Variants in MS4A3 observed in about 807,000 individuals in gnomAD.
The protein encoded by MS4A3 is membrane spanning 4-domains A3.
MS4A3 carries 18 observed loss-of-function variants against 24.7 expected under a neutral mutation model. The ratio of observed to expected loss-of-function variants is 0.73; its 90% CI spans 0.50 to 1.08. The LOEUF (loss-of-function observed/expected upper bound fraction) is 1.08, where lower values mean the gene tolerates loss of function less well. Among genes scored for constraint, MS4A3 ranks in the 50% least tolerant of loss-of-function variants. The pLI, the probability that MS4A3 is intolerant of heterozygous loss-of-function variation, is 0.00. For synonymous variants in MS4A3, 84 were observed against 95.3 expected (o/e 0.88, Z 0.69); for missense variants, 282 against 251.7 (o/e 1.12, Z -0.82).
rs1391483130 is a variant in MS4A3 at position 60,070,459 on chromosome 11, T to A, written c.*226T>A. 2.1e-6 allele frequency: 1 copy of A among 470,076 alleles called. No homozygotes were observed. 29.1% of individuals were successfully genotyped at this position (470,076 alleles called of 1,614,324 possible). A position where few individuals can be genotyped will look rare whatever the true frequency, so the allele number is the denominator to read the frequency against. On this transcript the variant is annotated 3_prime_UTR_variant, in exon 7 of 7. Transcript: ENST00000278865. The stretch of plus-strand genomic sequence containing the variant: ...GTGGGTATGGAAGGACAGATATATT[T>A]CTTTAGGCATTCTTGGATATCTGTA...
Position 60,067,113 on chromosome 11 carries a change from G to T in MS4A3, c.513+1G>T, listed in dbSNP as rs1565064518. On this transcript the variant is annotated splice_donor_variant, in intron 5 of 6. Transcript: ENST00000278865. LOFTEE classifies it high-confidence loss of function. The stretch of plus-strand genomic sequence containing the variant: ...CAATTACATGGGCTCCATATCAAAT[G>T]TATGTTTCTGAAAAATATGTATAAG... The T allele has an allele frequency of 6.3e-7, 1 of 1,586,886 alleles. No individual in the cohort carries two copies. Among genetic ancestry groups the T allele is most frequent in the Admixed American group, 1.8e-5 (1 of 54,740 alleles).
At chr11:60,061,024 C>T in intron 1 of MS4A3, 122 bp from the exon 2 acceptor site, 1 of 784,922 alleles carries the variant, frequency 1.3e-6, no homozygotes, top group Admixed American at 3.5e-5. Context: ...GCCCTGGTGT[C>T]CCATTTGTGG....
At chr11:60,068,335 G>T (rs1256439205) in intron 5 of MS4A3, among the ~76,000 whole-genome samples, 1 of 145,764 alleles carries the variant, frequency 6.9e-6, no homozygotes, top group East Asian at 2.1e-4. Flanking sequence ...CGCCTCCTGG[G>T]TTCACGCCAT....
intron 1 of MS4A3, among the ~76,000 whole-genome samples, chr11:60,058,371 G>T (rs1235542338): frequency 6.6e-6 from 1 of 151,220 alleles, no homozygotes; most frequent in African/African-American, 2.4e-5. Context: ...GCTGGGTGTG[G>T]TGGTGCACGC....
intron 5 of MS4A3, among the ~76,000 whole-genome samples, chr11:60,067,992 CG>C (rs1855398314): frequency 6.6e-6 from 1 of 151,766 alleles, no homozygotes; most frequent in African/African-American, 2.4e-5. Flanking sequence ...GCGGAGGTTG[CG>C]GTGAGCCGAG....
Position 60,067,069 on chromosome 11 carries a change from CAG to C in MS4A3, c.473_474del (p.Glu158ValfsTer44). On this transcript the variant is annotated frameshift_variant, in exon 5 of 7. Coordinates refer to ENST00000278865, the MANE Select transcript of MS4A3 (RefSeq NM_006138.5). LOFTEE classifies it high-confidence loss of function. ...TCATTAAGGAGTTGTCACTCTTCAT[CAG>C]AGTCACCGGACCTATGCAATTACAT... 6.2e-7 allele frequency: 1 copy of C among 1,612,686 alleles called. No homozygotes were observed. The highest frequency in any genetic ancestry group is 8.5e-7 in the Non-Finnish European group (1 of 1,179,598).
Position 60,070,630 on chromosome 11 carries a change from C to T in MS4A3, c.*397C>T, listed in dbSNP as rs531882392. ...TTTTTTCTAAAATCCAACTTCTGAC[C>T]GCCCAGTAGGAAGAAAAATGAGACA... On this transcript the variant is annotated 3_prime_UTR_variant, in exon 7 of 7. Transcript: ENST00000278865. The T allele has an allele frequency of 6.9e-5, 11 of 158,410 alleles. No homozygotes were observed. In the South Asian group the frequency reaches 1.0e-3, roughly 15 times the overall value. The allele number at this position is 158,410 out of a possible 1,614,324, so 9.8% of individuals were successfully genotyped here. A position where few individuals can be genotyped will look rare whatever the true frequency, so the allele number is the denominator to read the frequency against.
intron 1 of MS4A3, among the ~76,000 whole-genome samples, chr11:60,059,389 C>A (rs1855234532): frequency 6.6e-6 from 1 of 151,956 alleles, no homozygotes; most frequent in Admixed American, 6.6e-5. Flanking sequence ...ACTATACTTT[C>A]TTTTTCAATA....
At chr11:60,065,874 A>G (rs1014377521) in intron 4 of MS4A3, among the ~76,000 whole-genome samples, 1 of 152,108 alleles carries the variant, frequency 6.6e-6, no homozygotes, top group African/African-American at 2.4e-5. Flanking sequence ...GCTCTTCTCA[A>G]TCTATACGTA....
rs777118686 is a variant in MS4A3 at position 60,069,552 on chromosome 11, T to G, written c.514-22T>G. On this transcript the variant is annotated intron_variant, in intron 5 of 6. Coordinates refer to ENST00000278865, the MANE Select transcript of MS4A3 (RefSeq NM_006138.5). ...CTCTGGATGTTGCCACTGGGTTTGA[T>G]ATAAGGCATCATATCCCCTAGGGCA... The G allele has an allele frequency of 6.4e-6, 10 of 1,552,054 alleles. 1 individual carries two copies. In the Middle Eastern group the frequency reaches 5.1e-4, roughly 79 times the overall value.
intron 1 of MS4A3, among the ~76,000 whole-genome samples, chr11:60,058,457 A>T (rs1253839033): frequency 7.5e-6 from 1 of 134,076 alleles, no homozygotes; most frequent in Non-Finnish European, 1.6e-5. Flanking sequence ...CAGTGAGCTG[A>T]GATCGGGCCT....
chr11:60,062,633 T>C (rs763550236), intron 3 of MS4A3, 28 bp downstream of exon 3: 3 of 1,611,214 alleles, frequency 1.9e-6, no homozygotes, highest in South Asian at 2.2e-5. Context: ...CCTGGCTATA[T>C]GTTATTTCTT....
chr11:60,069,635 T>A lies in MS4A3; in HGVS notation c.575T>A (p.Ile192Lys), dbSNP rs770173506. The A allele has an allele frequency of 5.0e-6, 8 of 1,613,488 alleles. No individual in the cohort carries two copies. The highest frequency in any genetic ancestry group is 6.8e-6 in the Non-Finnish European group (8 of 1,179,592). ...LLELCVTIST[I>K]AMWCNANCCN... ...GAATTATGCGTAACCATCTCTACCA[T>A]AGCCATGTGGTGCAATGCAAACTGC... The change falls in exon 6 of 7, where the codon ATA (isoleucine) becomes AAA (lysine). Residue 192 changes from isoleucine to lysine, a missense_variant. Physicochemically the swap from Ile to Lys is moderately radical, Grantham distance 102. Coordinates refer to ENST00000278865, the MANE Select transcript of MS4A3 (RefSeq NM_006138.5).
At chr11:60,066,873 G>T in intron 4 of MS4A3, 78 bp from the exon 5 acceptor site, 1 of 1,143,402 alleles carries the variant, frequency 8.7e-7, no homozygotes, top group Non-Finnish European at 1.2e-6. Flanking sequence ...TTCAATCAAT[G>T]TTTGTTTCAA....
chr11:60,059,520 T>C (rs1233296068), intron 1 of MS4A3, among the ~76,000 whole-genome samples: 2 of 152,146 alleles, frequency 1.3e-5, no homozygotes, highest in Non-Finnish European at 2.9e-5. Flanking sequence ...TCAATAGTTA[T>C]TTTTCCCGAT....
Position 60,070,831 on chromosome 11 carries a change from T to C in MS4A3, c.*598T>C, listed in dbSNP as rs1219947921. On this transcript the variant is annotated 3_prime_UTR_variant, in exon 7 of 7. Transcript: ENST00000278865. ...GCTGGAACTCACACATGCCCTGATA[T>C]GTAAATGATGATTTATGTTGGCGAG... is the stretch of plus-strand genomic sequence containing the variant. 1 of 152,350 alleles carries C rather than the reference T, an allele frequency of 6.6e-6. No homozygotes were observed. The highest frequency in any genetic ancestry group is 2.4e-5 in the African/African-American group (1 of 41,474). The allele number at this position is 152,350 out of a possible 1,614,324, so 9.4% of individuals were successfully genotyped here.
At chr11:60,061,499 C>T (rs773872296) in intron 2 of MS4A3, 183 bp downstream of exon 2, 15 of 717,860 alleles carry the variant, frequency 2.1e-5, no homozygotes, top group East Asian at 1.4e-4. Flanking sequence ...GTCTATTCAA[C>T]GTGAAGAGGA....
chr11:60,070,436 G>T lies in MS4A3; in HGVS notation c.*203G>T. 1 of 502,120 alleles carries T rather than the reference G, an allele frequency of 2.0e-6. No individual in the cohort carries two copies. The highest frequency in any genetic ancestry group is 3.0e-5 in the South Asian group (1 of 33,148). 31.1% of individuals were successfully genotyped at this position (502,120 alleles called of 1,614,324 possible). On this transcript the variant is annotated 3_prime_UTR_variant, in exon 7 of 7. Coordinates refer to ENST00000278865, the MANE Select transcript of MS4A3 (RefSeq NM_006138.5). ...ACTATAAATCCTATTTGTGTGTCGTGGGTATGGAAGGACAGATATATTTCT... is the reference window on the plus strand; with the variant it reads ...ACTATAAATCCTATTTGTGTGTCGTTGGTATGGAAGGACAGATATATTTCT...
chr11:60,068,629 T>C (rs968794358), intron 5 of MS4A3, among the ~76,000 whole-genome samples: 1 of 152,108 alleles, frequency 6.6e-6, no homozygotes, highest in African/African-American at 2.4e-5. Context: ...AATATTTTCC[T>C]TTGGAATTAT....
Sources: gnomAD v4.1 joint callset for allele counts (sites outside exome capture counted in the v4.1 genomes callset) on GRCh38, gnomAD v4.1.1 for gene constraint, MANE v1.5 for transcripts, NCBI Gene and HGNC (gene_info 2026-07-23, HGNC 2026-07-21) for gene names.